PICALM: variants seen among roughly 807,000 people sequenced by gnomAD.
PICALM encodes phosphatidylinositol binding clathrin assembly protein, also known as phosphatidylinositol-binding clathrin assembly protein.
A neutral mutation model predicts 80.5 loss-of-function variants in PICALM; 40 were observed. The observed-to-expected ratio is 0.50, with a 90% confidence interval of 0.39 to 0.65. The LOEUF is 0.65. Ranked by LOEUF, PICALM falls within the 30% of genes least tolerant of loss-of-function variation. The pLI, the probability that PICALM is intolerant of heterozygous loss-of-function variation, is 0.00. For synonymous variants in PICALM, 288 were observed against 260.3 expected (o/e 1.11, Z -1.02); for missense variants, 676 against 778.9 (o/e 0.87, Z 1.57).
intron 19 of PICALM, among the ~76,000 whole-genome samples, chr11:85,971,134 T>C (rs1434699688): frequency 6.6e-6 from 1 of 152,224 alleles, no homozygotes; most frequent in East Asian, 1.9e-4. Flanking sequence ...TTCAAATGAC[T>C]ATGTAGAGAG....
chr11:86,003,674 C>T (rs894486521), intron 8 of PICALM: 1 of 357,066 alleles, frequency 2.8e-6, no homozygotes, highest in African/African-American at 2.1e-5. Context: ...ACGTTAAGAA[C>T]TGAAAACTAT....
At chr11:86,069,555 T>A (rs181532625), upstream of PICALM, 94 of 152,424 alleles carry the variant, frequency 6.2e-4, no homozygotes, top group African/African-American at 2.2e-3. Flanking sequence ...GTATTAGGCC[T>A]CTGGCTCCCC....
At chr11:86,033,765 T>C (rs1002060495) in intron 1 of PICALM, among the ~76,000 whole-genome samples, 5 of 152,182 alleles carry the variant, frequency 3.3e-5, no homozygotes, top group Non-Finnish European at 5.9e-5. Flanking sequence ...CCCAAAGACC[T>C]AGAATAATGC....
chr11:85,984,049 T>C lies in PICALM; in HGVS notation c.1409-76A>G, dbSNP rs147249834. ...TACGACTATTTAATAATGATGACAA[T>C]AGAATGGAAAATGCACTAAATTCCC... On this transcript the variant is annotated intron_variant, in intron 13 of 19. Transcript: ENST00000393346. The C allele has an allele frequency of 3.9e-4, 262 of 678,746 alleles. No homozygotes were observed. In the East Asian group the frequency reaches 6.4e-3, roughly 16 times the overall value. The allele number at this position is 678,746 out of a possible 1,614,324, so 42.0% of individuals were successfully genotyped here.
chr11:86,008,104 T>C (rs544881563), intron 7 of PICALM, among the ~76,000 whole-genome samples: 1 of 152,348 alleles, frequency 6.6e-6, no homozygotes, highest in African/African-American at 2.4e-5. Flanking sequence ...TGTCAAGTGA[T>C]ATCTAATCAG....
intron 17 of PICALM, chr11:85,978,468 T>A (rs34675784): frequency 0.1 from 16,060 of 153,040 alleles, 981 homozygotes; most frequent in Admixed American, 0.15. Flanking sequence ...TAGTATAATA[T>A]ATATTTTAAT....
intron 1 of PICALM, among the ~76,000 whole-genome samples, chr11:86,032,975 C>G (rs2095784529): frequency 6.6e-6 from 1 of 152,120 alleles, no homozygotes. Flanking sequence ...GTGGCCAATA[C>G]TGCTTAAAGA....
rs555531153 is a variant in PICALM at position 85,959,402 on chromosome 11, C to T, written c.1945-342G>A. Among the ~76,000 whole-genome samples the T allele has an allele frequency of 2.1e-3, 323 of 152,062 alleles. 1 individual carries two copies. The highest frequency in any genetic ancestry group is 7.5e-3 in the African/African-American group (310 of 41,496). On this transcript the variant is annotated intron_variant, in intron 19 of 19. Coordinates refer to ENST00000393346, the MANE Select transcript of PICALM (RefSeq NM_007166.4). ...CAGCACTCTGGGAGGCTGAGGTGGG[C>T]AGATCACCTGAGGTGAGTTCGAGAG...
chr11:86,014,843 A>G, intron 5 of PICALM, 27 bp downstream of exon 5: 2 of 1,329,878 alleles, frequency 1.5e-6, no homozygotes, highest in Non-Finnish European at 2.1e-6. Context: ...ATTTTTTAAA[A>G]TCTTAAATTA....
At chr11:86,012,233 C>T in intron 6 of PICALM, 48 bp downstream of exon 6, 4 of 995,930 alleles carry the variant, frequency 4.0e-6, no homozygotes, top group Non-Finnish European at 6.2e-6. Flanking sequence ...TATTGTTTAT[C>T]CATATGACAC....
intron 11 of PICALM, among the ~76,000 whole-genome samples, chr11:85,998,802 G>GAA: frequency 6.6e-6 from 1 of 152,076 alleles, no homozygotes; most frequent in East Asian, 1.9e-4. Context: ...GATTGAGAGA[G>GAA]AAACAGACAA....
rs1440098216 is a variant in PICALM, at chr11:85,976,695, A to G, written c.1780-13T>C. 1 of 1,534,648 alleles carries G rather than the reference A, an allele frequency of 6.5e-7. No homozygotes were observed. The highest frequency in any genetic ancestry group is 1.7e-5 in the Admixed American group (1 of 59,782). ...TTACAGGGGGTGCCTAACATAGTGA[A>G]AGGAAAAATGAACAAGAAAGTATAA... On this transcript the variant is annotated splice_polypyrimidine_tract_variant and intron_variant, in intron 17 of 19. Coordinates refer to ENST00000393346, the MANE Select transcript of PICALM (RefSeq NM_007166.4).
In PICALM at chr11:86,068,750, T is replaced by C. The variant is rs776273405; in HGVS notation, c.31A>G (p.Thr11Ala). The C allele has an allele frequency of 1.2e-6, 2 of 1,611,678 alleles. No individual in the cohort carries two copies. The highest frequency in any genetic ancestry group is 2.2e-5 in the South Asian group (2 of 90,992). ...CCGGTGACACTGTGCTGGGCGGCAGTGATTCGGTCCGTCAGGCTCTGGCCG... is the reference window on the plus strand; with the variant it reads ...CCGGTGACACTGTGCTGGGCGGCAGCGATTCGGTCCGTCAGGCTCTGGCCG... MSGQSLTDRI[T>A]AAQHSVTGSA... The change falls in exon 1 of 20, where the codon ACT becomes GCT. Residue 11 changes from threonine (T) to alanine (A), a missense_variant. Physicochemically the swap from Thr to Ala is moderately conservative, Grantham distance 58 (BLOSUM62 0). Transcript: ENST00000393346.
chr11:86,022,523 A>C, intron 3 of PICALM, 54 bp from the exon 4 acceptor site: 1 of 927,144 alleles, frequency 1.1e-6, no homozygotes, highest in Non-Finnish European at 1.6e-6. Flanking sequence ...GTTTTTATAA[A>C]TGACTAAAAA....
intron 9 of PICALM, among the ~76,000 whole-genome samples, chr11:86,001,663 T>C (rs944447831): frequency 4.6e-5 from 7 of 152,228 alleles, no homozygotes; most frequent in Admixed American, 4.6e-4. Context: ...TTCAGGTTCC[T>C]TCAAAAGAAG....
chr11:86,020,678 A>T (rs2095549524), intron 4 of PICALM, among the ~76,000 whole-genome samples: 1 of 152,334 alleles, frequency 6.6e-6, no homozygotes, highest in East Asian at 1.9e-4. Context: ...CTCAATATCC[A>T]CATACAAAAG....
chr11:86,064,531 G>A (rs1375312984), intron 1 of PICALM, among the ~76,000 whole-genome samples: 1 of 151,566 alleles, frequency 6.6e-6, no homozygotes, highest in Non-Finnish European at 1.5e-5. Flanking sequence ...CGTGGTAGCA[G>A]ATGCCTGTGG....
chr11:85,993,879 C>A (rs1342719378), intron 12 of PICALM, among the ~76,000 whole-genome samples: 2 of 152,032 alleles, frequency 1.3e-5, no homozygotes, highest in African/African-American at 4.8e-5. Context: ...ACACACTAAA[C>A]TGATTTTTTT....
chr11:85,983,801 T>C, intron 14 of PICALM, 65 bp downstream of exon 14: 1 of 682,356 alleles, frequency 1.5e-6, no homozygotes, highest in East Asian at 2.9e-5. Flanking sequence ...AGCAGCATTA[T>C]TTTTCCTTAC....
Sources: gnomAD v4.1 joint callset for allele counts (sites outside exome capture counted in the v4.1 genomes callset) on GRCh38, gnomAD v4.1.1 for gene constraint, MANE v1.5 for transcripts, NCBI Gene and HGNC (gene_info 2026-07-23, HGNC 2026-07-21) for gene names.